Variants in ARAP1 observed in about 807,000 individuals in gnomAD.
The protein encoded by ARAP1 is arf-GAP with Rho-GAP domain, ANK repeat and PH domain-containing protein 1.
A neutral mutation model predicts 172.2 loss-of-function variants in ARAP1; 76 were observed. The ratio of observed to expected loss-of-function variants is 0.44; its 90% CI spans 0.37 to 0.53. The LOEUF is 0.53. Among genes scored for constraint, ARAP1 ranks in the 20% least tolerant of loss-of-function variants. The probability of loss-of-function intolerance (pLI) is 0.00; values close to 1 mark genes in which losing one functional copy is unlikely to be tolerated. For missense variants in ARAP1, 1,686 were observed against 1,977.5 expected, an observed-to-expected ratio of 0.85 and a Z score of 2.80; for synonymous variants, 804 against 803.3, an observed-to-expected ratio of 1.00 and a Z score of -0.01.
At chr11:72,696,208 G>A (rs571340324) in intron 23 of ARAP1, among the ~76,000 whole-genome samples, 4 of 152,266 alleles carry the variant, frequency 2.6e-5, no homozygotes, top group South Asian at 2.1e-4. Context: ...CATAAGGAGC[G>A]CGCCACCTCC....
At chr11:72,707,070 G>T in intron 12 of ARAP1, 105 bp downstream of exon 12, 1 of 1,210,954 alleles carries the variant, frequency 8.3e-7, no homozygotes, top group Non-Finnish European at 1.1e-6. Context: ...GCAGCTCTCT[G>T]AGTGCTGTCT....
In ARAP1 at chr11:72,701,783, T is replaced by C. The variant is rs574116011; in HGVS notation, c.2168A>G (p.Glu723Gly). The change falls in exon 16 of 35, where the codon GAG becomes GGG. Residue 723 changes from glutamate (E) to glycine (G), a missense_variant and splice_region_variant. Coordinates refer to ENST00000393609, the MANE Select transcript of ARAP1 (RefSeq NM_001040118.3). Reference protein sequence around the residue: ...MEFLRNNRTTEVPRLDSMKPL... With the variant: ...MEFLRNNRTTGVPRLDSMKPL... ...CTTCATCGAGTCCAGCCGAGGCACC[T>C]CTTTGTAGGCGGGGAAAGGATGGCA... 3 of 1,613,124 alleles carry C rather than the reference T, an allele frequency of 1.9e-6. No homozygotes were observed. The highest frequency in any genetic ancestry group is 2.2e-5 in the South Asian group (2 of 90,996).
intron 33 of ARAP1, among the ~76,000 whole-genome samples, chr11:72,686,682 C>T (rs1855701414): frequency 6.6e-6 from 1 of 152,188 alleles, no homozygotes; most frequent in South Asian, 2.1e-4. Context: ...TCTGGCCCTG[C>T]TCTGGCTCAG....
chr11:72,705,548 G>T (rs912019763), intron 13 of ARAP1: 2 of 492,846 alleles, frequency 4.1e-6, no homozygotes, highest in Non-Finnish European at 3.6e-6. Flanking sequence ...TACAGTCTCT[G>T]CTGCATTTTC....
chr11:72,695,946 C>A lies in ARAP1; in HGVS notation c.3273-81G>T. On this transcript the variant is annotated intron_variant, in intron 23 of 34. Transcript: ENST00000393609. This position sits in a 1 kb window ranked among gnomAD's most constrained non-coding sequence, Gnocchi z 4.4. The stretch of plus-strand genomic sequence containing the variant: ...TCACCCTATTAATTTCTGACAGGTC[C>A]AAGACTGGTCTGGTCAGAGGGGACC... The A allele has an allele frequency of 6.7e-7, 1 of 1,494,668 alleles. No homozygotes were observed. The highest frequency in any genetic ancestry group is 1.3e-5 in the South Asian group (1 of 75,270). The allele number at this position is 1,494,668 out of a possible 1,614,324, so 92.6% of individuals were successfully genotyped here.
At chr11:72,748,175 TAGTC>T (rs1565235273) in intron 1 of ARAP1, among the ~76,000 whole-genome samples, 1 of 152,222 alleles carries the variant, frequency 6.6e-6, no homozygotes, top group Non-Finnish European at 1.5e-5. Flanking sequence ...GCCTGGCACA[TAGTC>T]AGCTTCCAAG....
Position 72,685,376 on chromosome 11 carries a change from C to T in ARAP1, c.*288G>A, listed in dbSNP as rs1282553928. On this transcript the variant is annotated 3_prime_UTR_variant, in exon 35 of 35. Coordinates refer to ENST00000393609, the MANE Select transcript of ARAP1 (RefSeq NM_001040118.3). ...TCCTCCCAAGTTCCTGACTTATGCC[C>T]ATCTCTCCAGCCCCACAAGGACAGT... 1.8e-5 allele frequency: 9 copies of T among 506,884 alleles called. No individual in the cohort carries two copies. The highest frequency in any genetic ancestry group is 2.8e-5 in the Non-Finnish European group (8 of 282,416). The allele number at this position is 506,884 out of a possible 1,614,324, so 31.4% of individuals were successfully genotyped here.
At position 72,697,656 on chromosome 11, in the gene ARAP1, A is replaced by G. The variant is rs1217489315; in HGVS notation, c.2738-7T>C. 1 of 1,614,002 alleles carries G rather than the reference A, an allele frequency of 6.2e-7. No homozygotes were observed. ...TCACTGTCCCCCTGGATGGCTGTGGAGGGGTTAGTCAAGGTGAGGCCCAGG... is the reference window on the plus strand; with the variant it reads ...TCACTGTCCCCCTGGATGGCTGTGGGGGGGTTAGTCAAGGTGAGGCCCAGG... On this transcript the variant is annotated splice_polypyrimidine_tract_variant and splice_region_variant and intron_variant, in intron 19 of 34. Transcript: ENST00000393609.
chr11:72,708,778 T>C (rs567820211), intron 11 of ARAP1, among the ~76,000 whole-genome samples: 2 of 152,300 alleles, frequency 1.3e-5, no homozygotes, highest in South Asian at 4.1e-4. Flanking sequence ...GGCTCACCCC[T>C]GTAATCCCGG....
Position 72,697,428 on chromosome 11 carries a change from G to C in ARAP1, c.2848C>G (p.Gln950Glu). Reference sequence around the variant, plus strand: ...TCCCCCATGCTGGCGGCTGCTTTCTGGATGGCCCCCAGCCAACCCATGAAG... The same window carrying C: ...TCCCCCATGCTGGCGGCTGCTTTCTCGATGGCCCCCAGCCAACCCATGAAG... ...LDFMGWLGAI[Q>E]KAAASMGDTL... Residue 950 changes from glutamine (Q) to glutamate (E), a missense_variant, in exon 21 of 35, where the codon CAG becomes GAG. By Grantham distance (29) the Gln-to-Glu change is conservative. This residue lies in a region of ARAP1 where 274 missense variants were observed against 262.7 expected (regional missense o/e 1.04). Transcript: ENST00000393609. 6.2e-7 allele frequency: 1 copy of C among 1,612,312 alleles called. No homozygotes were observed. The highest frequency in any genetic ancestry group is 8.5e-7 in the Non-Finnish European group (1 of 1,179,642).
chr11:72,727,059 T>G lies in ARAP1; in HGVS notation c.70A>C (p.Thr24Pro). Residue 24 changes from threonine to proline, a missense_variant, in exon 3 of 35, where the codon ACG becomes CCG. By Grantham distance (38) the Thr-to-Pro change is conservative (BLOSUM62 -1). Coordinates refer to ENST00000393609, the MANE Select transcript of ARAP1 (RefSeq NM_001040118.3). ...AGGCCATGCTGCTCAAAGAGCCCCG[T>G]GTACTGCTCCAGGTGCAATGCCCGC... is the stretch of plus-strand genomic sequence containing the variant. ...WLRALHLEQYTGLFEQHGLVW... is the reference protein window; with the variant it reads ...WLRALHLEQYPGLFEQHGLVW... The G allele has an allele frequency of 6.2e-7, 1 of 1,607,026 alleles. No homozygotes were observed. The highest frequency in any genetic ancestry group is 8.5e-7 in the Non-Finnish European group (1 of 1,175,332).
At position 72,727,133 on chromosome 11, in the gene ARAP1, C is replaced by A. The variant is rs1211293137; in HGVS notation, c.-5G>T. The A allele has an allele frequency of 6.3e-7, 1 of 1,576,110 alleles. No homozygotes were observed. The highest frequency in any genetic ancestry group is 8.6e-7 in the Non-Finnish European group (1 of 1,157,598). ...AGCATCCCCAGCCTCTGCCATGGTT[C>A]CTGCCAGCGGAGGCCTGACTGGCAG... On this transcript the variant is annotated 5_prime_UTR_variant, in exon 3 of 35. Transcript: ENST00000393609.
Position 72,695,805 on chromosome 11 carries a change from C to T in ARAP1, c.3333G>A (p.Gly1111=), listed in dbSNP as rs985487874. The change falls in exon 24 of 35, where the codon GGG becomes GGA. Residue 1111 remains glycine (G), a synonymous_variant. Coordinates refer to ENST00000393609, the MANE Select transcript of ARAP1 (RefSeq NM_001040118.3). The surrounding 1 kb of genome is among the most constrained non-coding windows in gnomAD (Gnocchi z 4.4). The part of the protein sequence containing the change: ...MNVHNLAIVF[G]PTLFQTDGQD... Reference sequence around the variant, plus strand: ...GCCCATCTGTCTGGAAGAGCGTGGGCCCAAACACAATTGCCAGGTTGTGCA... The same window carrying T: ...GCCCATCTGTCTGGAAGAGCGTGGGTCCAAACACAATTGCCAGGTTGTGCA... 2.2e-5 allele frequency: 35 copies of T among 1,614,058 alleles called. No individual in the cohort carries two copies. The African/African-American group carries it at 4.1e-4, about 19-fold the overall frequency.
At chr11:72,692,519 C>A (rs892870952) in intron 30 of ARAP1, among the ~76,000 whole-genome samples, 7 of 152,224 alleles carry the variant, frequency 4.6e-5, no homozygotes, top group Non-Finnish European at 1.0e-4. Context: ...TTGGAAAATT[C>A]TAGAGCATTG....
intron 11 of ARAP1, 92 bp from the exon 12 acceptor site, chr11:72,707,466 G>A: frequency 8.0e-7 from 1 of 1,256,118 alleles, no homozygotes; most frequent in Admixed American, 2.2e-5. Flanking sequence ...GGGGGACAAG[G>A]TGTTGGGAGC....
Position 72,714,232 on chromosome 11 carries a change from T to A in ARAP1, c.599A>T (p.Gln200Leu). 6.6e-7 allele frequency: 1 copy of A among 1,519,294 alleles called. No individual in the cohort carries two copies. Among genetic ancestry groups the A allele is most frequent in the South Asian group, 1.3e-5 (1 of 78,608 alleles). The allele number at this position is 1,519,294 out of a possible 1,614,324, so 94.1% of individuals were successfully genotyped here. A position where few individuals can be genotyped will look rare whatever the true frequency, so the allele number is the denominator to read the frequency against. Residue 200 changes from glutamine to leucine, a missense_variant, in exon 4 of 35, where the codon CAG becomes CTG. Gln to Leu is a moderately radical substitution (Grantham distance 113). Around this residue, in one of 5 missense-constraint regions of ARAP1, gnomAD observed 155 missense variants for 129.2 expected, o/e 1.20. Transcript: ENST00000393609. ...QSEEPLSTLP[Q>L]GPPQPPSPPP... ...TGGAGAGGGAGGCTGGGGAGGCCCC[T>A]GGGGGAGGGTGGACAGGGGCTCCTC...
chr11:72,697,153 G>T lies in ARAP1; in HGVS notation c.2996C>A (p.Ser999Ter). Residue 999 changes from serine (S) to a stop codon, truncating the protein, a stop_gained, in exon 22 of 35, where the codon TCG (serine) becomes TAG (stop). Coordinates refer to ENST00000393609, the MANE Select transcript of ARAP1 (RefSeq NM_001040118.3). LOFTEE classifies it high-confidence loss of function. Reference sequence around the variant, plus strand: ...GCTCTCCAGCAGCCGCTGTGTCTTCGATGTCTGCCCACACTTGCGGTAGAT... The same window carrying T: ...GCTCTCCAGCAGCCGCTGTGTCTTCTATGTCTGCCCACACTTGCGGTAGAT... Reference protein sequence around the residue: ...EGIYRKCGQTSKTQRLLESLR... With the variant: ...EGIYRKCGQT 1 of 1,604,616 alleles carries T rather than the reference G, an allele frequency of 6.2e-7. No homozygotes were observed. Among genetic ancestry groups the T allele is most frequent in the Non-Finnish European group, 8.5e-7 (1 of 1,179,846 alleles).
intron 18 of ARAP1, 45 bp downstream of exon 18, chr11:72,698,960 C>T: frequency 6.3e-7 from 1 of 1,597,686 alleles, no homozygotes; most frequent in Non-Finnish European, 8.6e-7. Flanking sequence ...GCCCCACCTT[C>T]CCCAGTCAGA....
chr11:72,692,625 C>G, intron 30 of ARAP1, 128 bp downstream of exon 30: 3 of 1,275,852 alleles, frequency 2.4e-6, no homozygotes, highest in Non-Finnish European at 3.4e-6. Context: ...CCAGTGCCAA[C>G]GGGCAAGGGG....
Sources: allele counts gnomAD v4.1 joint callset (sites outside exome capture counted in the v4.1 genomes callset), GRCh38; gene constraint gnomAD v4.1.1; regional missense constraint gnomAD v4.1.1; non-coding constraint Gnocchi (gnomAD v3.1); transcripts MANE v1.5; gene names NCBI Gene and HGNC (gene_info 2026-07-23, HGNC 2026-07-21).